MBD5: variants seen among roughly 807,000 people sequenced by gnomAD.
MBD5 encodes methyl-CpG binding domain protein 5, also known as methyl-CpG-binding domain protein 5.
MBD5 carries 13 observed loss-of-function variants against 117.3 expected under a neutral mutation model. That is an observed-to-expected ratio of 0.11 (90% confidence interval 0.07 to 0.18). The LOEUF (loss-of-function observed/expected upper bound fraction) is 0.18. Ranked by LOEUF, MBD5 falls within the 10% of genes least tolerant of loss-of-function variation. The pLI is 1.00. For missense variants in MBD5, 1,879 were observed against 2,093.8 expected, an observed-to-expected ratio of 0.90 and a Z score of 2.00; for synonymous variants, 727 against 766.4, an observed-to-expected ratio of 0.95 and a Z score of 0.85.
At chr2:148,441,422 A>G (rs1191472281) in intron 4 of MBD5, among the ~76,000 whole-genome samples, 2 of 152,064 alleles carry the variant, frequency 1.3e-5, no homozygotes, top group Admixed American at 6.6e-5. Context: ...ATGTCCCTAC[A>G]AAGGACATGA....
chr2:148,156,163 G>A (rs2105709928), intron 1 of MBD5, among the ~76,000 whole-genome samples: 1 of 152,320 alleles, frequency 6.6e-6, no homozygotes, highest in African/African-American at 2.4e-5. Flanking sequence ...TGACCAAAAC[G>A]ATAATTTTAA....
intron 10 of MBD5, among the ~76,000 whole-genome samples, chr2:148,486,768 A>T (rs1055222012): frequency 3.9e-5 from 6 of 152,228 alleles, no homozygotes; most frequent in African/African-American, 1.4e-4. Context: ...TATCACACTA[A>T]TGTGTCCATC....
chr2:148,254,278 T>A (rs1465864995), intron 3 of MBD5, among the ~76,000 whole-genome samples: 1 of 152,194 alleles, frequency 6.6e-6, no homozygotes, highest in Non-Finnish European at 1.5e-5. Flanking sequence ...ATTGTGTTCC[T>A]AAAAGGGCAC....
In MBD5 at chr2:148,296,863, A is replaced by ATTTTTTTTTTTTTTTT. The variant is rs1559010681; in HGVS notation, c.-679-45351_-679-45350insTTTTTTTTTTTTTTTT. ...TAAGCATAGTTTGCTTTAGTTCTTC[A>ATTTTTTTTTTTTTTTT]ATTTTTTTTTTTTTTTTTTTTGGAG... is the stretch of plus-strand genomic sequence containing the variant. On this transcript the variant is annotated intron_variant, in intron 3 of 13. Transcript: ENST00000642680. 7.4e-3 allele frequency among the ~76,000 whole-genome samples: 280 copies of ATTTTTTTTTTTTTTTT among 37,686 alleles called. 8 individuals are homozygous for ATTTTTTTTTTTTTTTT. The highest frequency in any genetic ancestry group is 0.013 in the Non-Finnish European group (242 of 18,942). The allele number at this position is 37,686 out of a possible 152,430, so 24.7% of individuals were successfully genotyped here.
chr2:148,270,457 C>T (rs1276280430), intron 3 of MBD5, among the ~76,000 whole-genome samples: 4 of 150,020 alleles, frequency 2.7e-5, no homozygotes, highest in Non-Finnish European at 5.9e-5. Flanking sequence ...GTCAACATCT[C>T]GGCTCACTGC....
chr2:148,252,293 C>G (rs984202385), intron 3 of MBD5, among the ~76,000 whole-genome samples: 1 of 151,994 alleles, frequency 6.6e-6, no homozygotes, highest in Admixed American at 6.6e-5. Flanking sequence ...GACACCCTCT[C>G]TACAAAATAC....
At chr2:148,317,338 G>A (rs1004740552) in intron 3 of MBD5, among the ~76,000 whole-genome samples, 1 of 151,762 alleles carries the variant, frequency 6.6e-6, no homozygotes, top group African/African-American at 2.4e-5. Context: ...CATTGCACTC[G>A]AGCCTGGGCA....
intron 4 of MBD5, among the ~76,000 whole-genome samples, chr2:148,381,119 A>T (rs1704129862): frequency 6.6e-6 from 1 of 152,226 alleles, no homozygotes; most frequent in Non-Finnish European, 1.5e-5. Context: ...CTGGACAGAG[A>T]ATGACTTTGA....
At chr2:148,269,048 T>C (rs1414009562) in intron 3 of MBD5, among the ~76,000 whole-genome samples, 1 of 148,356 alleles carries the variant, frequency 6.7e-6, no homozygotes, top group Non-Finnish European at 1.5e-5. Context: ...TATAGTAAAC[T>C]ATACTAGTTT....
intron 10 of MBD5, among the ~76,000 whole-genome samples, chr2:148,486,411 G>A (rs1336122051): frequency 1.3e-5 from 2 of 152,102 alleles, no homozygotes; most frequent in East Asian, 1.9e-4. Context: ...AGAAAATATG[G>A]GCTTTTTAAA....
At chr2:148,271,778 T>G (rs546869464) in intron 3 of MBD5, among the ~76,000 whole-genome samples, 2 of 122,226 alleles carry the variant, frequency 1.6e-5, no homozygotes, top group Non-Finnish European at 4.1e-5. Flanking sequence ...ATTTTTACCA[T>G]TTTTTGTGAT....
intron 8 of MBD5, chr2:148,471,519 A>C (rs1680795172): frequency 6.6e-6 from 1 of 152,152 alleles, no homozygotes; most frequent in Non-Finnish European, 1.5e-5. Context: ...GAGGTTTTTA[A>C]TAATAAGCTA....
chr2:148,158,157 T>C (rs556327848), intron 1 of MBD5, among the ~76,000 whole-genome samples: 143 of 152,276 alleles, frequency 9.4e-4, no homozygotes, highest in African/African-American at 3.3e-3. Flanking sequence ...TTTAATAGAA[T>C]AGTGATTATA....
chr2:148,255,826 T>C (rs1410187064), intron 3 of MBD5, among the ~76,000 whole-genome samples: 1 of 152,258 alleles, frequency 6.6e-6, no homozygotes, highest in East Asian at 1.9e-4. Flanking sequence ...ACCTGCAGCT[T>C]GCAGGTTGTA....
At chr2:148,476,578 G>T (rs1680972375) in intron 8 of MBD5, among the ~76,000 whole-genome samples, 1 of 152,104 alleles carries the variant, frequency 6.6e-6, no homozygotes, top group African/African-American at 2.4e-5. Flanking sequence ...CCCTAGCTGT[G>T]CATTGTCCTT....
chr2:148,336,993 C>T (rs906201303), intron 3 of MBD5, among the ~76,000 whole-genome samples: 21 of 152,202 alleles, frequency 1.4e-4, no homozygotes, highest in African/African-American at 5.1e-4. Flanking sequence ...TAGTCTTAGC[C>T]ACTTTTGCAC....
intron 1 of MBD5, among the ~76,000 whole-genome samples, chr2:148,089,394 A>G (rs967737356): frequency 2.5e-4 from 38 of 152,142 alleles, no homozygotes; most frequent in African/African-American, 9.2e-4. Context: ...CAAAATAGAC[A>G]TTCTTTTCAT....
intron 4 of MBD5, among the ~76,000 whole-genome samples, chr2:148,377,039 ATATCCTATT>A: frequency 6.6e-6 from 1 of 150,950 alleles, no homozygotes; most frequent in African/African-American, 2.4e-5. Flanking sequence ...AGATATATAT[ATATCCTATT>A]TATCCTATTA....
chr2:148,409,499 T>A (rs1321031911), intron 4 of MBD5, among the ~76,000 whole-genome samples: 1 of 152,042 alleles, frequency 6.6e-6, no homozygotes, highest in Non-Finnish European at 1.5e-5. Flanking sequence ...TTCTAAGTAC[T>A]GTGATTGCTT....
Sources: allele counts gnomAD v4.1 joint callset (sites outside exome capture counted in the v4.1 genomes callset), GRCh38; gene constraint gnomAD v4.1.1; transcripts MANE v1.5; gene names NCBI Gene and HGNC (gene_info 2026-07-23, HGNC 2026-07-21).